Variants in FBLN5 observed in about 807,000 individuals in gnomAD.
The protein encoded by FBLN5 is fibulin 5.
Under a neutral mutation model 61.6 loss-of-function variants are expected in FBLN5, and 24 were observed. That is an observed-to-expected ratio of 0.39 (90% CI 0.28 to 0.55). FBLN5 has a LOEUF of 0.55. Ranked by LOEUF, FBLN5 falls within the 20% of genes least tolerant of loss-of-function variation. The pLI, the probability that FBLN5 is intolerant of heterozygous loss-of-function variation, is 0.65. For missense variants in FBLN5, 470 were observed against 594.1 expected, an observed-to-expected ratio of 0.79 and a Z score of 2.17; for synonymous variants, 213 against 219.8, an observed-to-expected ratio of 0.97 and a Z score of 0.27.
chr14:91,943,391 G>C lies in FBLN5; in HGVS notation c.18-430C>G, dbSNP rs991079074. On this transcript the variant is annotated intron_variant, in intron 1 of 10. Coordinates refer to ENST00000342058, the MANE Select transcript of FBLN5 (RefSeq NM_006329.4). This position sits in a 1 kb window ranked among gnomAD's most constrained non-coding sequence, Gnocchi z 4.0. ...CTGGGCATGATAGCACGCGCCTAAA[G>C]TCCCAGCTACTCAGGAGGCTGAGGT... Among the ~76,000 whole-genome samples the C allele has an allele frequency of 6.6e-6, 1 of 151,910 alleles. No homozygotes were observed. The highest frequency in any genetic ancestry group is 2.4e-5 in the African/African-American group (1 of 41,326).
rs765183580 is a variant in FBLN5, at chr14:91,883,645, T to TA, written c.740-570dup. On this transcript the variant is annotated intron_variant, in intron 7 of 10. Coordinates refer to ENST00000342058, the MANE Select transcript of FBLN5 (RefSeq NM_006329.4). ...TTAATTATATTAAAACTTCACTGTG[T>TA]AAAAAAAAAAACAAAAAAAACACAC... 1.0e-3 allele frequency among the ~76,000 whole-genome samples: 82 copies of TA among 80,010 alleles called. 1 individual carries two copies. The highest frequency in any genetic ancestry group is 3.3e-3 in the East Asian group (8 of 2,446). 52.5% of individuals were successfully genotyped at this position (80,010 alleles called of 152,430 possible).
At chr14:91,906,339 A>G (rs1289846081) in intron 4 of FBLN5, among the ~76,000 whole-genome samples, 1 of 152,206 alleles carries the variant, frequency 6.6e-6, no homozygotes, top group African/African-American at 2.4e-5. Context: ...ACGACCCAAC[A>G]GGAACTGGAA....
At position 91,883,464 on chromosome 14, in the gene FBLN5, G is replaced by A. The variant is rs539421761; in HGVS notation, c.740-388C>T. ...TTTCTTTGCCCACTGGGATTTTCTG[G>A]GGGTTTCCCAAAAAAACATTCCCTG... On this transcript the variant is annotated intron_variant, in intron 7 of 10. Transcript: ENST00000342058. Among the ~76,000 whole-genome samples, 109 of 151,858 alleles carry A rather than the reference G, an allele frequency of 7.2e-4. 1 individual carries two copies. The highest frequency in any genetic ancestry group is 6.3e-4 in the Non-Finnish European group (43 of 67,914).
intron 4 of FBLN5, among the ~76,000 whole-genome samples, chr14:91,900,754 G>A (rs1191066253): frequency 2.0e-5 from 3 of 152,198 alleles, no homozygotes; most frequent in Non-Finnish European, 4.4e-5. Flanking sequence ...GAGAGTTCAT[G>A]AATTAACAGG....
At chr14:91,941,644 G>T (rs1479958728) in intron 2 of FBLN5, among the ~76,000 whole-genome samples, 1 of 152,174 alleles carries the variant, frequency 6.6e-6, no homozygotes, top group African/African-American at 2.4e-5. Flanking sequence ...GAGGCCAGGA[G>T]ATCCAGGTTC....
At position 91,947,587 on chromosome 14, in the gene FBLN5, C is replaced by T. The variant is rs1057174338; in HGVS notation, c.-358G>A. ...TCAGATTACAGCGCTCACCAACTGG[C>T]TAGACTCCTCACAACAATCTTGGGG... On this transcript the variant is annotated 5_prime_UTR_variant, in exon 1 of 11. Coordinates refer to ENST00000342058, the MANE Select transcript of FBLN5 (RefSeq NM_006329.4). This position sits in a 1 kb window ranked among gnomAD's most constrained non-coding sequence, Gnocchi z 4.3. 34 of 364,286 alleles carry T rather than the reference C, an allele frequency of 9.3e-5. No individual in the cohort carries two copies. In the Admixed American group the frequency reaches 1.3e-3, roughly 14 times the overall value. 22.6% of individuals were successfully genotyped at this position (364,286 alleles called of 1,614,324 possible). A position where few individuals can be genotyped will look rare whatever the true frequency, so the allele number is the denominator to read the frequency against.
chr14:91,920,039 C>T lies in FBLN5; in HGVS notation c.379+16908G>A, dbSNP rs552720092. ...TTGTTGACTAGAACTTATTAGCGTG[C>T]GTGTGGCTCTTGGGGCTTGACTTGG... On this transcript the variant is annotated intron_variant, in intron 4 of 10. Coordinates refer to ENST00000342058, the MANE Select transcript of FBLN5 (RefSeq NM_006329.4). 1.1e-4 allele frequency among the ~76,000 whole-genome samples: 17 copies of T among 152,238 alleles called. No individual in the cohort carries two copies. In the East Asian group the frequency reaches 2.3e-3, roughly 21 times the overall value.
rs961324388 is a variant in FBLN5, at chr14:91,919,047, G to A, written c.379+17900C>T. 3.9e-5 allele frequency among the ~76,000 whole-genome samples: 6 copies of A among 152,038 alleles called. 1 individual carries two copies. In the East Asian group the frequency reaches 9.6e-4, roughly 24 times the overall value. ...TCATTAAGGATAAGAAAAAAGAATG[G>A]CAGCCGGGCACTGTGGCTCATGCGT... On this transcript the variant is annotated intron_variant, in intron 4 of 10. Coordinates refer to ENST00000342058, the MANE Select transcript of FBLN5 (RefSeq NM_006329.4).
intron 6 of FBLN5, among the ~76,000 whole-genome samples, chr14:91,889,309 C>T (rs1397134645): frequency 1.3e-5 from 2 of 152,216 alleles, no homozygotes; most frequent in South Asian, 2.1e-4. Flanking sequence ...TGAATGAACT[C>T]ATTCCACCCC....
In FBLN5 at chr14:91,869,974, T is replaced by A; in HGVS notation, c.*250A>T. On this transcript the variant is annotated 3_prime_UTR_variant, in exon 11 of 11. Coordinates refer to ENST00000342058, the MANE Select transcript of FBLN5 (RefSeq NM_006329.4). ...GAAGGCCTTGAAAATTCACCAACAA[T>A]CTTCTATCAGGGGAGCAATGATAAT... 2 of 513,282 alleles carry A rather than the reference T, an allele frequency of 3.9e-6. No homozygotes were observed. Among genetic ancestry groups the A allele is most frequent in the Non-Finnish European group, 7.1e-6 (2 of 281,860 alleles). The allele number at this position is 513,282 out of a possible 1,614,324, so 31.8% of individuals were successfully genotyped here.
intron 1 of FBLN5, chr14:91,946,624 G>T (rs557949548): frequency 1.3e-5 from 13 of 1,022,704 alleles, no homozygotes; most frequent in Non-Finnish European, 1.8e-5. Context: ...AAGACTGTGG[G>T]TGTCATTTAG....
intron 1 of FBLN5, chr14:91,946,901 T>C: frequency 3.4e-6 from 5 of 1,464,462 alleles, no homozygotes; most frequent in Non-Finnish European, 4.5e-6. Context: ...CATACAAAAA[T>C]CCCTTAAAAC....
chr14:91,943,465 T>C lies in FBLN5; in HGVS notation c.18-504A>G, dbSNP rs1318699884. ...TTGAGGCTGCAGTGAGCTGAGATCA[T>C]ACCACTGCACTCCAGCCTGGGTGAC... On this transcript the variant is annotated intron_variant, in intron 1 of 10. Transcript: ENST00000342058. The surrounding 1 kb of genome is among the most constrained non-coding windows in gnomAD (Gnocchi z 4.0). 6.6e-6 allele frequency among the ~76,000 whole-genome samples: 1 copy of C among 151,968 alleles called. No individual in the cohort carries two copies. The highest frequency in any genetic ancestry group is 2.4e-5 in the African/African-American group (1 of 41,376).
intron 4 of FBLN5, among the ~76,000 whole-genome samples, chr14:91,926,273 C>G (rs2055827377): frequency 6.6e-6 from 1 of 152,188 alleles, no homozygotes; most frequent in East Asian, 1.9e-4. Context: ...GCCTCTGTGC[C>G]TCCATGCTCA....
chr14:91,940,709 AAAAG>A (rs1220383142), intron 2 of FBLN5, 93 bp from the exon 3 acceptor site: 98 of 1,033,874 alleles, frequency 9.5e-5, no homozygotes, highest in Non-Finnish European at 3.0e-5. Context: ...AATGGAGCAA[AAAAG>A]AAAGGCCTCC....
In FBLN5 at chr14:91,947,522, TAAAC is replaced by T. The variant is rs1013246052; in HGVS notation, c.-297_-294del. On this transcript the variant is annotated 5_prime_UTR_variant, in exon 1 of 11. Transcript: ENST00000342058. This position sits in a 1 kb window ranked among gnomAD's most constrained non-coding sequence, Gnocchi z 4.3. ...TGAACACTTCATTTTCTAAGTATGT[TAAAC>T]AATGCAAATGGGGCCTCAGTCTGGA... The T allele has an allele frequency of 7.2e-6, 4 of 556,912 alleles. No homozygotes were observed. Among genetic ancestry groups the T allele is most frequent in the Non-Finnish European group, 1.3e-5 (4 of 311,306 alleles). The allele number at this position is 556,912 out of a possible 1,614,324, so 34.5% of individuals were successfully genotyped here.
chr14:91,915,307 T>C (rs1208213640), intron 4 of FBLN5, among the ~76,000 whole-genome samples: 1 of 152,016 alleles, frequency 6.6e-6, no homozygotes, highest in Admixed American at 6.5e-5. Flanking sequence ...ACTTATTAAG[T>C]AGACAAGTTC....
chr14:91,902,263 T>C (rs1271644507), intron 4 of FBLN5, among the ~76,000 whole-genome samples: 1 of 125,128 alleles, frequency 8.0e-6, no homozygotes, highest in East Asian at 2.3e-4. Context: ...AGACATGGGT[T>C]TTTTTGTTTG....
At chr14:91,906,624 C>T (rs1057176003) in intron 4 of FBLN5, among the ~76,000 whole-genome samples, 2 of 152,244 alleles carry the variant, frequency 1.3e-5, no homozygotes, top group African/African-American at 4.8e-5. Context: ...TGCATGTTTA[C>T]CTGGCTGAGG....
Sources: gnomAD v4.1 joint callset for allele counts (sites outside exome capture counted in the v4.1 genomes callset) on GRCh38, gnomAD v4.1.1 for gene constraint, Gnocchi (gnomAD v3.1) non-coding constraint, MANE v1.5 for transcripts, NCBI Gene and HGNC (gene_info 2026-07-23, HGNC 2026-07-21) for gene names.